Variants in HDGFL3 observed in about 807,000 individuals in gnomAD.
HDGFL3 encodes the protein HDGF like 3.
In HDGFL3, 6 loss-of-function variants were observed where a neutral mutation model predicts 27.6. The ratio of observed to expected loss-of-function variants is 0.22; its 90% CI spans 0.12 to 0.43. HDGFL3 has a LOEUF of 0.43. Ranked by LOEUF, HDGFL3 falls within the 20% of genes least tolerant of loss-of-function variation. HDGFL3 has a pLI of 1.00. For synonymous variants in HDGFL3, 88 were observed against 88.9 expected (o/e 0.99, Z 0.05); for missense variants, 207 against 250.1 (o/e 0.83, Z 1.16).
chr15:83,122,777 T>TTTTCTTAA, downstream of HDGFL3: 2 of 1,614,076 alleles, frequency 1.2e-6, no homozygotes, highest in Non-Finnish European at 1.7e-6. Context: ...AACACGAATT[T>TTTTCTTAA]GCCCTGCTTT....
At chr15:83,159,777 C>CAGA (rs1394640986) in intron 2 of HDGFL3, among the ~76,000 whole-genome samples, 2 of 152,282 alleles carry the variant, frequency 1.3e-5, no homozygotes, top group East Asian at 3.9e-4. Context: ...GTTTGAGAAA[C>CAGA]AGAAGAGGTC....
chr15:83,151,086 G>A (rs1393617789), intron 5 of HDGFL3, 129 bp downstream of exon 5: 3 of 777,858 alleles, frequency 3.9e-6, no homozygotes, highest in South Asian at 4.0e-5. Context: ...CTGAGTGGAT[G>A]CATATAATAG....
intron 1 of HDGFL3, among the ~76,000 whole-genome samples, chr15:83,183,843 T>C (rs2037410240): frequency 6.6e-6 from 1 of 152,168 alleles, no homozygotes; most frequent in South Asian, 2.1e-4. Context: ...CTGGTTTAAA[T>C]TTCTAGGAAC....
At chr15:83,206,935 G>A (rs982780488) in intron 1 of HDGFL3, among the ~76,000 whole-genome samples, 1 of 152,174 alleles carries the variant, frequency 6.6e-6, no homozygotes, top group Non-Finnish European at 1.5e-5. Flanking sequence ...CGCTCACCCC[G>A]CTGCCGTACC....
intron 1 of HDGFL3, among the ~76,000 whole-genome samples, chr15:83,168,656 A>G (rs1447992965): frequency 1.3e-5 from 2 of 152,190 alleles, no homozygotes; most frequent in Admixed American, 6.5e-5. Context: ...CTACCCCAAA[A>G]AAGTCTCAGC....
At chr15:83,119,821 G>A (rs1166077652) in intron 3 of HDGFL3, 16 of 1,376,296 alleles carry the variant, frequency 1.2e-5, no homozygotes, top group African/African-American at 5.7e-5. Context: ...CACGTCAGAC[G>A]TGGCTTTATC....
At chr15:83,181,298 T>C (rs1369219916) in intron 1 of HDGFL3, among the ~76,000 whole-genome samples, 1 of 152,228 alleles carries the variant, frequency 6.6e-6, no homozygotes, top group Non-Finnish European at 1.5e-5. Context: ...CTCATTAGCA[T>C]GTTACACTGC....
intron 1 of HDGFL3, among the ~76,000 whole-genome samples, chr15:83,172,374 G>A (rs1207377787): frequency 6.6e-6 from 1 of 152,118 alleles, no homozygotes; most frequent in Non-Finnish European, 1.5e-5. Context: ...AACAGGGATT[G>A]GGGCACTCAC....
chr15:83,166,031 G>A (rs1373824650), intron 1 of HDGFL3, among the ~76,000 whole-genome samples: 1 of 152,074 alleles, frequency 6.6e-6, no homozygotes, highest in African/African-American at 2.4e-5. Context: ...AAATATATTT[G>A]AGGAAATAAT....
chr15:83,124,276 A>G (rs977536163), downstream of HDGFL3, among the ~76,000 whole-genome samples: 4 of 152,164 alleles, frequency 2.6e-5, no homozygotes, highest in African/African-American at 7.2e-5. Context: ...ATGTAGATAT[A>G]TGTGTGTGTA....
chr15:83,203,971 A>G (rs2037684021), intron 1 of HDGFL3, among the ~76,000 whole-genome samples: 2 of 148,408 alleles, frequency 1.3e-5, no homozygotes, highest in South Asian at 4.5e-4. Flanking sequence ...TAGCTAATCC[A>G]TAACATAGAT....
At chr15:83,115,257 A>G (rs746749566) in exon 4 of HDGFL3, 12 of 195,354 alleles carry the variant, frequency 6.1e-5, no homozygotes, top group Non-Finnish European at 1.3e-4. Context: ...AGCTGGGATT[A>G]CAGGCGTGCA....
Position 83,132,796 on chromosome 15 carries a change from C to G in HDGFL3, c.*6474G>C, listed in dbSNP as rs1408566834. 1 of 152,162 alleles carries G rather than the reference C, an allele frequency of 6.6e-6. No individual in the cohort carries two copies. Among genetic ancestry groups the G allele is most frequent in the Non-Finnish European group, 1.5e-5 (1 of 68,032 alleles). 9.4% of individuals were successfully genotyped at this position (152,162 alleles called of 1,614,324 possible). A position where few individuals can be genotyped will look rare whatever the true frequency, so the allele number is the denominator to read the frequency against. Reference sequence around the variant, plus strand: ...GGATAGTTGGGATACTAATGCAAATCTTGTTTTCTTCATTTGCTTCTGGTG... The same window carrying G: ...GGATAGTTGGGATACTAATGCAAATGTTGTTTTCTTCATTTGCTTCTGGTG... On this transcript the variant is annotated 3_prime_UTR_variant, in exon 6 of 6. Transcript: ENST00000299633.
intron 1 of HDGFL3, chr15:83,180,799 C>T (rs1301658364): frequency 6.6e-6 from 1 of 152,030 alleles, no homozygotes; most frequent in Non-Finnish European, 1.5e-5. Flanking sequence ...GCACACACCA[C>T]CATGGCCGGC....
downstream of HDGFL3, chr15:83,126,700 A>G: frequency 6.9e-7 from 1 of 1,459,636 alleles, no homozygotes; most frequent in Non-Finnish European, 9.5e-7. Flanking sequence ...CTTATCAGCA[A>G]ACCTAAGAAC....
At chr15:83,188,796 T>C (rs1375313612) in intron 1 of HDGFL3, among the ~76,000 whole-genome samples, 1 of 152,144 alleles carries the variant, frequency 6.6e-6, no homozygotes, top group Non-Finnish European at 1.5e-5. Context: ...GCCACCTGTA[T>C]GTTGATGAGT....
chr15:83,177,312 T>C (rs1356559164), intron 1 of HDGFL3, among the ~76,000 whole-genome samples: 1 of 152,240 alleles, frequency 6.6e-6, no homozygotes, highest in East Asian at 1.9e-4. Flanking sequence ...TATTTGTCCT[T>C]GTCTGAATTT....
At chr15:83,158,436 T>C (rs1203090563) in intron 2 of HDGFL3, among the ~76,000 whole-genome samples, 4 of 152,222 alleles carry the variant, frequency 2.6e-5, no homozygotes, top group African/African-American at 4.8e-5. Context: ...AGTAAAAATA[T>C]AAATGCTAGA....
intron 3 of HDGFL3, among the ~76,000 whole-genome samples, chr15:83,121,221 C>A (rs1437247423): frequency 6.6e-6 from 1 of 151,892 alleles, no homozygotes; most frequent in Non-Finnish European, 1.5e-5. Flanking sequence ...CAGGTGCATG[C>A]CACCATGCCC....
Sources: allele counts gnomAD v4.1 joint callset (sites outside exome capture counted in the v4.1 genomes callset), GRCh38; gene constraint gnomAD v4.1.1; transcripts MANE v1.5; gene names NCBI Gene and HGNC (gene_info 2026-07-23, HGNC 2026-07-21).